THADA: variants seen among roughly 807,000 people sequenced by gnomAD.
THADA encodes the protein tRNA (32-2'-O)-methyltransferase regulator THADA.
In THADA, 213 loss-of-function variants were observed where a neutral mutation model predicts 219.8. The ratio of observed to expected loss-of-function variants is 0.97; its 90% CI spans 0.87 to 1.09. THADA has a LOEUF of 1.09. THADA is among the 50% of genes least tolerant of loss of function. The pLI is 0.00. For synonymous variants in THADA, 1,018 were observed against 828.9 expected, an observed-to-expected ratio of 1.23 and a Z score of -3.92; for missense variants, 2,956 against 2,311.3, an observed-to-expected ratio of 1.28 and a Z score of -5.72.
intron 36 of THADA, among the ~76,000 whole-genome samples, chr2:43,274,298 G>C (rs1672466767): frequency 6.6e-6 from 1 of 152,204 alleles, no homozygotes; most frequent in South Asian, 2.1e-4. Context: ...CACCCTAGTT[G>C]GTATGAATCA....
chr2:43,230,964 G>C lies in THADA; in HGVS notation c.5846C>G (p.Thr1949Arg), dbSNP rs779072355. The C allele has an allele frequency of 4.5e-5, 73 of 1,610,294 alleles. No homozygotes were observed. Among genetic ancestry groups the C allele is most frequent in the Middle Eastern group, 1.7e-4 (1 of 6,052 alleles). The change falls in exon 38 of 38, where the codon ACA (threonine) becomes AGA (arginine). Residue 1949 changes from threonine (T) to arginine (R), a missense_variant. Thr to Arg is a moderately conservative substitution (Grantham distance 71). Coordinates refer to ENST00000405975, the MANE Select transcript of THADA (RefSeq NM_022065.5). ...AGATTTTCTTCAACATGCCGCTTCT[G>C]TTCTTGGAAGAGTTAACTGCCTCGA... ...AESRQLTLPR[T>R]EAAC
At chr2:43,480,549 C>T (rs1180967443) in intron 26 of THADA, among the ~76,000 whole-genome samples, 27 of 152,194 alleles carry the variant, frequency 1.8e-4, no homozygotes, top group East Asian at 1.9e-4. Flanking sequence ...TGGCCGCTCA[C>T]GCCTATAATC....
At chr2:43,544,055 G>A (rs1313209962) in intron 20 of THADA, among the ~76,000 whole-genome samples, 2 of 152,144 alleles carry the variant, frequency 1.3e-5, no homozygotes, top group Non-Finnish European at 2.9e-5. Context: ...TGTATAAGGT[G>A]TAAGGAAGGG....
chr2:43,560,757 C>CT (rs1162787386), intron 15 of THADA, among the ~76,000 whole-genome samples: 1 of 152,118 alleles, frequency 6.6e-6, no homozygotes, highest in Non-Finnish European at 1.5e-5. Flanking sequence ...CGGCTCACAC[C>CT]TGTAATCCCA....
At chr2:43,362,977 T>C (rs1669700927) in intron 29 of THADA, among the ~76,000 whole-genome samples, 1 of 152,168 alleles carries the variant, frequency 6.6e-6, no homozygotes, top group Non-Finnish European at 1.5e-5. Context: ...AAAATCACCA[T>C]CTTCCACTTC....
At chr2:43,304,100 C>A (rs1676570344) in intron 31 of THADA, among the ~76,000 whole-genome samples, 1 of 152,144 alleles carries the variant, frequency 6.6e-6, no homozygotes, top group Admixed American at 6.5e-5. Context: ...CATCATAAGT[C>A]AACCCCTTCA....
chr2:43,495,028 G>A (rs914135753), intron 25 of THADA, among the ~76,000 whole-genome samples: 1 of 152,078 alleles, frequency 6.6e-6, no homozygotes, highest in African/African-American at 2.4e-5. Flanking sequence ...CCAGCTTTAG[G>A]CACAGTTATA....
At chr2:43,365,895 A>C (rs1280743812) in intron 29 of THADA, among the ~76,000 whole-genome samples, 1 of 152,170 alleles carries the variant, frequency 6.6e-6, no homozygotes, top group Non-Finnish European at 1.5e-5. Context: ...CTCCCAATCT[A>C]ATGAGGGGTG....
chr2:43,326,924 G>A (rs1679399873), intron 30 of THADA, among the ~76,000 whole-genome samples: 1 of 152,126 alleles, frequency 6.6e-6, no homozygotes, highest in South Asian at 2.1e-4. Context: ...TGTCTGTTAA[G>A]GTCTCTAAGA....
intron 29 of THADA, among the ~76,000 whole-genome samples, chr2:43,362,332 C>A (rs1411982429): frequency 2.0e-5 from 3 of 152,074 alleles, no homozygotes; most frequent in Non-Finnish European, 4.4e-5. Flanking sequence ...TTTTGATTTA[C>A]AAGAAAAGGC....
chr2:43,525,321 T>G lies in THADA; in HGVS notation c.3374+2558A>C, dbSNP rs556539236. Among the ~76,000 whole-genome samples, 3 of 152,346 alleles carry G rather than the reference T, an allele frequency of 2.0e-5. No individual in the cohort carries two copies. The East Asian group carries it at 5.8e-4, about 29-fold the overall frequency. On this transcript the variant is annotated intron_variant, in intron 22 of 37. Transcript: ENST00000405975. ...TACCACAACATCTCCTATCTGCGTA[T>G]ACTTCTACAATATGATCTTGCCACT...
chr2:43,590,049 A>G (rs1701393965), intron 4 of THADA, among the ~76,000 whole-genome samples: 1 of 152,204 alleles, frequency 6.6e-6, no homozygotes, highest in Admixed American at 6.5e-5. Flanking sequence ...GCTGACCTCA[A>G]AGAGAAGGTC....
At chr2:43,431,261 T>C (rs569137954) in intron 26 of THADA, among the ~76,000 whole-genome samples, 1 of 152,294 alleles carries the variant, frequency 6.6e-6, no homozygotes, top group East Asian at 1.9e-4. Flanking sequence ...AATGCTGTGA[T>C]CAAGTGTACC....
At chr2:43,325,151 T>C (rs1679171402) in intron 30 of THADA, among the ~76,000 whole-genome samples, 1 of 152,134 alleles carries the variant, frequency 6.6e-6, no homozygotes, top group South Asian at 2.1e-4. Flanking sequence ...CTCCTGGAAG[T>C]TGGGAGAGGC....
intron 21 of THADA, among the ~76,000 whole-genome samples, chr2:43,533,024 A>C (rs1694088472): frequency 6.6e-6 from 1 of 152,224 alleles, no homozygotes; most frequent in South Asian, 2.1e-4. Flanking sequence ...ATCTGCAAGG[A>C]ACATAAAAAA....
At chr2:43,342,643 C>T (rs539562062) in intron 30 of THADA, among the ~76,000 whole-genome samples, 1 of 152,348 alleles carries the variant, frequency 6.6e-6, no homozygotes, top group South Asian at 2.1e-4. Context: ...TCAGCCCTCT[C>T]TCACCCCTCT....
intron 31 of THADA, among the ~76,000 whole-genome samples, chr2:43,298,784 AC>A (rs1362435031): frequency 1.3e-5 from 2 of 152,160 alleles, no homozygotes; most frequent in East Asian, 3.9e-4. Flanking sequence ...TGAAGGCACT[AC>A]CCCAAAGAAG....
At chr2:43,320,359 G>A (rs1184209572) in intron 31 of THADA, 87 bp downstream of exon 31, 7 of 865,538 alleles carry the variant, frequency 8.1e-6, no homozygotes, top group Non-Finnish European at 1.3e-5. Context: ...AGAAGGTGGA[G>A]CAGTGTGTGG....
intron 26 of THADA, among the ~76,000 whole-genome samples, chr2:43,436,603 A>G (rs1384940188): frequency 6.6e-6 from 1 of 152,130 alleles, no homozygotes; most frequent in Non-Finnish European, 1.5e-5. Context: ...ATTTCAAGGG[A>G]CAGCTGAATG....
Sources: gnomAD v4.1 joint callset for allele counts (sites outside exome capture counted in the v4.1 genomes callset) on GRCh38, gnomAD v4.1.1 for gene constraint, MANE v1.5 for transcripts, NCBI Gene and HGNC (gene_info 2026-07-23, HGNC 2026-07-21) for gene names.